The following CELF4 variants were observed in gnomAD, a reference collection of about 807,000 sequenced individuals.
CELF4 encodes CUG-BP- and ETR-3-like factor 4.
In CELF4, 18 loss-of-function variants were observed where a neutral mutation model predicts 59.9. The observed-to-expected ratio is 0.30, with a 90% CI of 0.21 to 0.45. The LOEUF (loss-of-function observed/expected upper bound fraction) is 0.45, where lower values mean the gene tolerates loss of function less well. CELF4 is among the 20% of genes least tolerant of loss of function. The pLI, the probability that CELF4 is intolerant of heterozygous loss-of-function variation, is 1.00. For synonymous variants in CELF4, 261 were observed against 267.1 expected (o/e 0.98, Z 0.22); for missense variants, 456 against 689.0 (o/e 0.66, Z 3.79).
chr18:37,253,755 GC>G lies in CELF4; in HGVS notation c.*44+11del, dbSNP rs555107525. 224 of 1,522,126 alleles carry G rather than the reference GC, an allele frequency of 1.5e-4. 1 individual carries two copies. The East Asian group carries it at 5.5e-3, about 37-fold the overall frequency. 94.3% of individuals were successfully genotyped at this position (1,522,126 alleles called of 1,614,324 possible). On this transcript the variant is annotated intron_variant, in intron 12 of 12. Coordinates refer to ENST00000420428, the MANE Select transcript of CELF4 (RefSeq NM_020180.4). The surrounding 1 kb of genome is among the most constrained non-coding windows in gnomAD (Gnocchi z 4.5). ...CAACCCCCGTCCCCGCGCCCCGGCC[GC>G]CCCCGGTTACCTGTGCGAGTCCTGG...
intron 1 of CELF4, among the ~76,000 whole-genome samples, chr18:37,515,853 G>T (rs1416426565): frequency 6.6e-6 from 1 of 152,198 alleles, no homozygotes; most frequent in East Asian, 1.9e-4. Flanking sequence ...ATCCTGAAAG[G>T]CTGGAGTGGG....
At chr18:37,513,941 C>CGTGTGTGTGT (rs5824070) in intron 1 of CELF4, among the ~76,000 whole-genome samples, 4 of 144,244 alleles carry the variant, frequency 2.8e-5, no homozygotes, top group East Asian at 2.1e-4. Flanking sequence ...TGTGTGGTGC[C>CGTGTGTGTGT]GTGTGTGTGT....
At chr18:37,490,221 T>C (rs1181718846) in intron 1 of CELF4, among the ~76,000 whole-genome samples, 1 of 152,240 alleles carries the variant, frequency 6.6e-6, no homozygotes, top group Admixed American at 6.5e-5. Flanking sequence ...TGTATTTACA[T>C]GTGAAAGACA....
chr18:37,348,403 C>A (rs919722562), intron 2 of CELF4, among the ~76,000 whole-genome samples: 24 of 152,134 alleles, frequency 1.6e-4, no homozygotes, highest in Non-Finnish European at 1.6e-4. Flanking sequence ...TCCCTCCGGC[C>A]AGGGATGTGA....
intron 2 of CELF4, among the ~76,000 whole-genome samples, chr18:37,373,102 G>T (rs187610537): frequency 2.0e-5 from 3 of 152,378 alleles, no homozygotes; most frequent in East Asian, 1.9e-4. Flanking sequence ...AGACACCAAG[G>T]CAAGCCAGAG....
chr18:37,430,937 C>T (rs534738686), intron 2 of CELF4, among the ~76,000 whole-genome samples: 4 of 152,334 alleles, frequency 2.6e-5, no homozygotes, highest in Admixed American at 6.5e-5. Context: ...GGCCGCCTCC[C>T]CCACACTCCC....
intron 2 of CELF4, among the ~76,000 whole-genome samples, chr18:37,449,253 G>A (rs984233034): frequency 6.6e-6 from 1 of 152,166 alleles, no homozygotes; most frequent in African/African-American, 2.4e-5. Flanking sequence ...GAGGAAGGAT[G>A]TCATCCTAAG....
chr18:37,307,592 CCTGT>C (rs2096479730), intron 3 of CELF4, among the ~76,000 whole-genome samples: 2 of 151,902 alleles, frequency 1.3e-5, no homozygotes, highest in Admixed American at 1.3e-4. Context: ...CCACCCCATG[CCTGT>C]GGGCTGGGGG....
At chr18:37,441,730 A>T (rs1003777194) in intron 2 of CELF4, among the ~76,000 whole-genome samples, 1 of 151,970 alleles carries the variant, frequency 6.6e-6, no homozygotes, top group African/African-American at 2.4e-5. Context: ...GGGTTTCAGG[A>T]GTGGCAGCCA....
At chr18:37,398,927 C>T (rs2099280125) in intron 2 of CELF4, among the ~76,000 whole-genome samples, 1 of 152,154 alleles carries the variant, frequency 6.6e-6, no homozygotes. Flanking sequence ...AGATTTCAAA[C>T]TGCCCATGCT....
chr18:37,338,680 C>T (rs532113946), intron 2 of CELF4, among the ~76,000 whole-genome samples: 15 of 152,054 alleles, frequency 9.9e-5, no homozygotes, highest in Middle Eastern at 3.4e-3. Flanking sequence ...CCATGACTAC[C>T]GGTGACCTGA....
intron 1 of CELF4, among the ~76,000 whole-genome samples, chr18:37,523,563 G>A (rs953515074): frequency 2.0e-5 from 3 of 152,152 alleles, no homozygotes; most frequent in Non-Finnish European, 2.9e-5. Flanking sequence ...GGCAAAACTC[G>A]GGCCCATGCT....
At chr18:37,293,977 C>T (rs112311510) in intron 3 of CELF4, among the ~76,000 whole-genome samples, 3 of 152,300 alleles carry the variant, frequency 2.0e-5, no homozygotes, top group Non-Finnish European at 2.9e-5. Flanking sequence ...AACCACCTGA[C>T]CCACCAACCA....
intron 1 of CELF4, among the ~76,000 whole-genome samples, chr18:37,509,793 T>C (rs1240959560): frequency 1.3e-5 from 2 of 152,176 alleles, no homozygotes; most frequent in Non-Finnish European, 2.9e-5. Context: ...ATAAACAAAA[T>C]ATGGTATATC....
chr18:37,345,748 A>T (rs1370009657), intron 2 of CELF4, among the ~76,000 whole-genome samples: 2 of 152,030 alleles, frequency 1.3e-5, no homozygotes, highest in Non-Finnish European at 2.9e-5. Flanking sequence ...GGGAGAATGG[A>T]AACAGGCCCC....
chr18:37,538,787 T>C (rs773087476), intron 1 of CELF4, among the ~76,000 whole-genome samples: 6 of 151,966 alleles, frequency 3.9e-5, no homozygotes, highest in Non-Finnish European at 8.8e-5. Flanking sequence ...ACTTACGGGG[T>C]TCTCTCTCCC....
chr18:37,407,415 G>A (rs1385462732), intron 2 of CELF4, among the ~76,000 whole-genome samples: 1 of 152,158 alleles, frequency 6.6e-6, no homozygotes, highest in Non-Finnish European at 1.5e-5. Context: ...TGCTGGATGA[G>A]ACAAATTTTA....
At chr18:37,337,579 G>A (rs920827170) in intron 2 of CELF4, among the ~76,000 whole-genome samples, 2 of 152,146 alleles carry the variant, frequency 1.3e-5, no homozygotes, top group African/African-American at 4.8e-5. Context: ...GAGGGCCTGC[G>A]GAGGAAATGC....
In CELF4 at chr18:37,253,912, T is replaced by A; in HGVS notation, c.1360A>T (p.Ser454Cys). The change falls in exon 12 of 13, where the codon AGC becomes TGC. Residue 454 changes from serine to cysteine, a missense_variant. Ser to Cys is a moderately radical substitution (Grantham distance 112). Transcript: ENST00000420428. This position sits in a 1 kb window ranked among gnomAD's most constrained non-coding sequence, Gnocchi z 4.5. ...ATGGCCTGGATGGCGGTCTGCGCGC[T>A]GGCCGGGTTGTCGAAGCTCACGAAG... The part of the protein sequence containing the change: ...FGFVSFDNPA[S>C]AQTAIQAMNG... 6 of 1,592,240 alleles carry A rather than the reference T, an allele frequency of 3.8e-6. No individual in the cohort carries two copies. The highest frequency in any genetic ancestry group is 5.1e-6 in the Non-Finnish European group (6 of 1,168,178).
Sources: allele counts gnomAD v4.1 joint callset (sites outside exome capture counted in the v4.1 genomes callset), GRCh38; gene constraint gnomAD v4.1.1; non-coding constraint Gnocchi (gnomAD v3.1); transcripts MANE v1.5; gene names NCBI Gene and HGNC (gene_info 2026-07-23, HGNC 2026-07-21).